Variants in ETS1 observed in about 807,000 individuals in gnomAD.
ETS1 encodes the protein protein C-ets-1.
Under a neutral mutation model 58.6 loss-of-function variants are expected in ETS1, and 15 were observed. That is an observed-to-expected ratio of 0.26 (90% CI 0.17 to 0.39). ETS1 has a LOEUF of 0.39. Ranked by LOEUF, ETS1 falls within the 10% of genes least tolerant of loss-of-function variation. ETS1 has a pLI of 1.00. For missense variants in ETS1, 417 were observed against 610.5 expected (o/e 0.68, Z 3.34); for synonymous variants, 214 against 218.2 (o/e 0.98, Z 0.17).
intron 2 of ETS1, among the ~76,000 whole-genome samples, chr11:128,565,305 G>A (rs536656735): frequency 4.0e-4 from 61 of 152,276 alleles, no homozygotes; most frequent in South Asian, 3.7e-3. Flanking sequence ...GCAGCAGGAA[G>A]GGTCCATCTT....
intron 1 of ETS1, among the ~76,000 whole-genome samples, chr11:128,581,807 A>G (rs981884737): frequency 1.3e-5 from 2 of 152,196 alleles, no homozygotes; most frequent in African/African-American, 4.8e-5. Context: ...TAGAGTTTAG[A>G]CTTGGCTCTG....
intron 8 of ETS1, among the ~76,000 whole-genome samples, chr11:128,467,186 G>A (rs954324793): frequency 2.0e-5 from 3 of 152,198 alleles, no homozygotes; most frequent in South Asian, 2.1e-4. Flanking sequence ...GGCTGGGCCC[G>A]TGGATGGTCT....
chr11:128,561,060 G>A (rs1268497190), intron 2 of ETS1, among the ~76,000 whole-genome samples: 1 of 152,198 alleles, frequency 6.6e-6, no homozygotes, highest in South Asian at 2.1e-4. Context: ...GTTATAGAGA[G>A]AGAAAGACGG....
chr11:128,482,805 G>A (rs921352735), intron 7 of ETS1, among the ~76,000 whole-genome samples: 8 of 152,094 alleles, frequency 5.3e-5, no homozygotes, highest in Admixed American at 3.3e-4. Flanking sequence ...GAAGGGCCTC[G>A]GCGAGCTCCT....
intron 3 of ETS1, among the ~76,000 whole-genome samples, chr11:128,511,913 A>G (rs79970024): frequency 0.015 from 2,259 of 152,338 alleles, 46 homozygotes; most frequent in African/African-American, 0.048. Context: ...TTTGTAAAAT[A>G]TTGGTAACTC....
intron 2 of ETS1, among the ~76,000 whole-genome samples, chr11:128,569,063 C>T (rs1027309464): frequency 2.6e-5 from 4 of 152,186 alleles, no homozygotes; most frequent in Admixed American, 6.5e-5. Context: ...GGTTTCTCAA[C>T]GTCAGCACTA....
intron 2 of ETS1, among the ~76,000 whole-genome samples, chr11:128,571,186 T>C (rs1219222065): frequency 4.0e-5 from 6 of 151,800 alleles, no homozygotes; most frequent in African/African-American, 1.5e-4. Flanking sequence ...CCCAGCACTT[T>C]GGGAGGCCGA....
At chr11:128,521,934 G>A in intron 3 of ETS1, 1 of 1,606,856 alleles carries the variant, frequency 6.2e-7, no homozygotes, top group Non-Finnish European at 8.5e-7. Flanking sequence ...AAAAGCTCCA[G>A]ATCGACTTTT....
At chr11:128,510,060 G>C (rs972887627) in intron 3 of ETS1, among the ~76,000 whole-genome samples, 1 of 152,148 alleles carries the variant, frequency 6.6e-6, no homozygotes, top group African/African-American at 2.4e-5. Flanking sequence ...AGAATGTTTG[G>C]TTTCCATTAG....
intron 2 of ETS1, among the ~76,000 whole-genome samples, chr11:128,572,670 T>G (rs532126621): frequency 6.6e-6 from 1 of 152,202 alleles, no homozygotes; most frequent in South Asian, 2.1e-4. Context: ...TTAGAAAACT[T>G]GCATTATTGG....
At chr11:128,477,128 C>T (rs1283612910) in intron 8 of ETS1, among the ~76,000 whole-genome samples, 1 of 152,218 alleles carries the variant, frequency 6.6e-6, no homozygotes, top group African/African-American at 2.4e-5. Flanking sequence ...GACCCAGACT[C>T]CTGGTGAAAT....
intron 8 of ETS1, among the ~76,000 whole-genome samples, chr11:128,475,405 C>T (rs150134569): frequency 1.4e-4 from 21 of 152,266 alleles, no homozygotes; most frequent in East Asian, 5.8e-4. Context: ...AACTCAACTA[C>T]GAGCCAGAAC....
intron 3 of ETS1, among the ~76,000 whole-genome samples, chr11:128,528,518 T>C (rs183951618): frequency 6.6e-6 from 1 of 152,238 alleles, no homozygotes; most frequent in East Asian, 1.9e-4. Flanking sequence ...CTAGTACATA[T>C]TTGAATATGC....
At position 128,566,700 on chromosome 11, in the gene ETS1, G is replaced by T. The variant is rs919432341; in HGVS notation, c.69+6362C>A. Among the ~76,000 whole-genome samples the T allele has an allele frequency of 2.6e-5, 4 of 151,794 alleles. No individual in the cohort carries two copies. The East Asian group carries it at 7.7e-4, about 29-fold the overall frequency. ...CAGGAGGCTGAGGCAGGAGAATGGC[G>T]TGAATCTGGGGGGCAGAGCCTGCTG... On this transcript the variant is annotated intron_variant, in intron 2 of 9. Coordinates refer to ENST00000392668, the MANE Select transcript of ETS1 (RefSeq NM_001143820.2).
At chr11:128,558,195 T>G (rs561453447) in intron 2 of ETS1, among the ~76,000 whole-genome samples, 1 of 152,242 alleles carries the variant, frequency 6.6e-6, no homozygotes, top group Non-Finnish European at 1.5e-5. Flanking sequence ...TGTCACCAGT[T>G]GTGTTGCATC....
rs771685853 is a variant in ETS1 at position 128,521,865 on chromosome 11, G to A, written c.215-31289C>T. On this transcript the variant is annotated intron_variant, in intron 3 of 9. Transcript: ENST00000392668. ...GGGGGAAGAAGTCCAGGGGACCCCC[G>A]GCCTCTGGCCGAGAGCTTGGGTGGG... is the stretch of plus-strand genomic sequence containing the variant. The A allele has an allele frequency of 2.2e-5, 34 of 1,525,762 alleles. 1 individual carries two copies. The highest frequency in any genetic ancestry group is 2.1e-4 in the Admixed American group (11 of 52,506). 94.5% of individuals were successfully genotyped at this position (1,525,762 alleles called of 1,614,324 possible). A position where few individuals can be genotyped will look rare whatever the true frequency, so the allele number is the denominator to read the frequency against.
chr11:128,550,175 G>T (rs1324517278), intron 3 of ETS1, among the ~76,000 whole-genome samples: 1 of 152,208 alleles, frequency 6.6e-6, no homozygotes, highest in Non-Finnish European at 1.5e-5. Flanking sequence ...TGCTGCTGGG[G>T]TCTTGAGGCA....
rs141868951 is a variant in ETS1 at position 128,541,167 on chromosome 11, G to C, written c.214+15124C>G. Among the ~76,000 whole-genome samples, 9 of 152,300 alleles carry C rather than the reference G, an allele frequency of 5.9e-5. No individual in the cohort carries two copies. The East Asian group carries it at 1.3e-3, about 23-fold the overall frequency. Reference sequence around the variant, plus strand: ...TCCCCTGGTGCTCACCAGCTCTGCAGCTTGGCTGTGTCCGTCTCAGCACGG... The same window carrying C: ...TCCCCTGGTGCTCACCAGCTCTGCACCTTGGCTGTGTCCGTCTCAGCACGG... On this transcript the variant is annotated intron_variant, in intron 3 of 9. Transcript: ENST00000392668.
rs57086661 is a variant in ETS1, at chr11:128,514,914, C to G, written c.215-24338G>C. 3.9e-4 allele frequency among the ~76,000 whole-genome samples: 59 copies of G among 152,234 alleles called. 1 individual carries two copies. Among genetic ancestry groups the G allele is most frequent in the African/African-American group, 1.4e-3 (57 of 41,530 alleles). On this transcript the variant is annotated intron_variant, in intron 3 of 9. Transcript: ENST00000392668. Reference sequence around the variant, plus strand: ...TTAAATTCGTTCATCTTTAGTTTTACAATTTCCTTTCATTCATTCTTTCAT... The same window carrying G: ...TTAAATTCGTTCATCTTTAGTTTTAGAATTTCCTTTCATTCATTCTTTCAT...
Sources: allele counts gnomAD v4.1 joint callset (sites outside exome capture counted in the v4.1 genomes callset), GRCh38; gene constraint gnomAD v4.1.1; transcripts MANE v1.5; gene names NCBI Gene and HGNC (gene_info 2026-07-23, HGNC 2026-07-21).